Variants in GOLGA4 observed in about 807,000 individuals in gnomAD.
The protein encoded by GOLGA4 is golgin subfamily A member 4.
A neutral mutation model predicts 265.9 loss-of-function variants in GOLGA4; 169 were observed. That is an observed-to-expected ratio of 0.64 (90% CI 0.56 to 0.72). GOLGA4 has a LOEUF of 0.72. Ranked by LOEUF, GOLGA4 falls within the 30% of genes least tolerant of loss-of-function variation. The pLI, the probability that GOLGA4 is intolerant of heterozygous loss-of-function variation, is 0.00. For missense variants in GOLGA4, 2,482 were observed against 2,483.4 expected (o/e 1.00, Z 0.01); for synonymous variants, 923 against 855.8 (o/e 1.08, Z -1.37).
intron 3 of GOLGA4, 70 bp from the exon 4 acceptor site, chr3:37,285,943 AT>A: frequency 2.2e-6 from 2 of 906,612 alleles, no homozygotes; most frequent in Non-Finnish European, 3.5e-6. Context: ...CATAAAGAGA[AT>A]TTTTTAGTGG....
intron 12 of GOLGA4, 57 bp downstream of exon 12, chr3:37,319,251 AT>A: frequency 7.2e-7 from 1 of 1,388,028 alleles, no homozygotes; most frequent in South Asian, 1.3e-5. Context: ...TTACAAAGTT[AT>A]CATCCTCTCA....
Position 37,355,685 on chromosome 3 carries a change from A to G in GOLGA4, c.6663+498A>G, listed in dbSNP as rs543911723. Among the ~76,000 whole-genome samples the G allele has an allele frequency of 4.6e-5, 7 of 152,270 alleles. No individual in the cohort carries two copies. In the South Asian group the frequency reaches 1.2e-3, roughly 27 times the overall value. Reference sequence around the variant, plus strand: ...AACAATGAATTATTTTTAAAAACATAGTGTGAAGTCAGCTGTAATTGAAAA... The same window carrying G: ...AACAATGAATTATTTTTAAAAACATGGTGTGAAGTCAGCTGTAATTGAAAA... On this transcript the variant is annotated intron_variant, in intron 22 of 23. Coordinates refer to ENST00000361924, the MANE Select transcript of GOLGA4 (RefSeq NM_002078.5).
At chr3:37,330,532 G>T (rs73825083) in intron 16 of GOLGA4, among the ~76,000 whole-genome samples, 153 of 152,276 alleles carry the variant, frequency 1.0e-3, no homozygotes, top group African/African-American at 3.1e-3. Flanking sequence ...AGGGAACAGA[G>T]AGACAGGTTA....
intron 2 of GOLGA4, among the ~76,000 whole-genome samples, chr3:37,281,295 A>G (rs1444192340): frequency 1.3e-5 from 2 of 152,188 alleles, no homozygotes; most frequent in East Asian, 1.9e-4. Flanking sequence ...ACTGTCCTCC[A>G]TGATTTGTTA....
intron 16 of GOLGA4, among the ~76,000 whole-genome samples, chr3:37,329,560 G>T (rs988984908): frequency 9.9e-5 from 15 of 152,194 alleles, no homozygotes; most frequent in African/African-American, 3.4e-4. Context: ...GTGTGTGGAG[G>T]TTGATTGGTC....
At chr3:37,353,459 G>GA (rs1284716200) in intron 21 of GOLGA4, among the ~76,000 whole-genome samples, 1 of 152,058 alleles carries the variant, frequency 6.6e-6, no homozygotes, top group Non-Finnish European at 1.5e-5. Flanking sequence ...ATTCTGTTCT[G>GA]TCTAGGCAGT....
chr3:37,324,955 A>C lies in GOLGA4; in HGVS notation c.3069A>C (p.Thr1023=). 6.2e-7 allele frequency: 1 copy of C among 1,613,650 alleles called. No homozygotes were observed. The highest frequency in any genetic ancestry group is 8.5e-7 in the Non-Finnish European group (1 of 1,179,802). ...GTGATGCAGTGTCAAGACTGGAAAC[A>C]AACCAAAAAGAACAAATAGAAAGTC... ...GISDAVSRLE[T]NQKEQIESLT... Residue 1023 remains threonine, a synonymous_variant, in exon 14 of 24, where the codon ACA becomes ACC. Coordinates refer to ENST00000361924, the MANE Select transcript of GOLGA4 (RefSeq NM_002078.5).
chr3:37,326,220 GGAA>G lies in GOLGA4; in HGVS notation c.4341_4343del (p.Lys1448del). On this transcript the variant is annotated inframe_deletion, in exon 14 of 24. Transcript: ENST00000361924. ...GACTGGTCCAATAAATTCTCAGAAT[GGAA>G]GAAGAAAGCACAGTCAAGATTTACA... The G allele has an allele frequency of 1.2e-6, 2 of 1,613,560 alleles. No individual in the cohort carries two copies. Among genetic ancestry groups the G allele is most frequent in the Non-Finnish European group, 1.7e-6 (2 of 1,179,620 alleles).
intron 2 of GOLGA4, among the ~76,000 whole-genome samples, chr3:37,269,220 G>C (rs2096791605): frequency 6.6e-6 from 1 of 152,174 alleles, no homozygotes; most frequent in Admixed American, 6.5e-5. Context: ...CATGTATTGA[G>C]CTAGTTCTAC....
intron 16 of GOLGA4, among the ~76,000 whole-genome samples, chr3:37,332,520 C>A (rs770082564): frequency 1.3e-5 from 2 of 151,378 alleles, no homozygotes; most frequent in South Asian, 2.1e-4. Context: ...AGAAAAACAA[C>A]AAAAAAAATT....
At chr3:37,354,440 G>C (rs1361958258) in intron 21 of GOLGA4, among the ~76,000 whole-genome samples, 1 of 152,000 alleles carries the variant, frequency 6.6e-6, no homozygotes, top group Non-Finnish European at 1.5e-5. Context: ...AACCTTTGAG[G>C]AGAATTTTCC....
At chr3:37,337,976 G>A (rs114984197) in intron 19 of GOLGA4, among the ~76,000 whole-genome samples, 1,965 of 152,104 alleles carry the variant, frequency 0.013, 57 homozygotes, top group African/African-American at 0.045. Flanking sequence ...ATTTGTGATC[G>A]TATAATGTAT....
intron 21 of GOLGA4, among the ~76,000 whole-genome samples, chr3:37,350,918 T>C (rs1258562165): frequency 1.3e-5 from 2 of 152,174 alleles, no homozygotes; most frequent in Non-Finnish European, 2.9e-5. Flanking sequence ...ATATTACCTC[T>C]ATGTTGATGG....
chr3:37,257,177 T>TA (rs1290184879), intron 2 of GOLGA4, among the ~76,000 whole-genome samples: 1 of 152,240 alleles, frequency 6.6e-6, no homozygotes, highest in Non-Finnish European at 1.5e-5. Flanking sequence ...TTCGATATGT[T>TA]ACCTTTTGTG....
Position 37,251,409 on chromosome 3 carries a change from T to G in GOLGA4, c.87T>G (p.Ser29=). The G allele has an allele frequency of 6.2e-7, 1 of 1,611,298 alleles. No individual in the cohort carries two copies. Among genetic ancestry groups the G allele is most frequent in the African/African-American group, 1.3e-5 (1 of 74,964 alleles). ...TTTAAATCTAGGCGTCCTCCAATTCTTCAACACCAACAAGAATGAGGAGCA... is the reference window on the plus strand; with the variant it reads ...TTTAAATCTAGGCGTCCTCCAATTCGTCAACACCAACAAGAATGAGGAGCA... ...ALAPAQASSN[S]STPTRMRSRT... Residue 29 remains serine, a synonymous_variant, in exon 2 of 24, where the codon TCT becomes TCG. Transcript: ENST00000361924.
rs750722251 is a variant in GOLGA4, at chr3:37,324,702, A to G, written c.2816A>G (p.His939Arg). 4 of 1,602,220 alleles carry G rather than the reference A, an allele frequency of 2.5e-6. No homozygotes were observed. Among genetic ancestry groups the G allele is most frequent in the South Asian group, 2.3e-5 (2 of 87,668 alleles). ...TTGTCAGCCAAGGAGGACAGTATTC[A>G]TATTTTGAATGAGGAATATGAAACC... ...QKLSAKEDSIHILNEEYETKF... is the reference protein window; with the variant it reads ...QKLSAKEDSIRILNEEYETKF... Residue 939 changes from histidine (H) to arginine (R), a missense_variant, in exon 14 of 24, where the codon CAT becomes CGT. Physicochemically the swap from His to Arg is conservative, Grantham distance 29. Transcript: ENST00000361924.
intron 1 of GOLGA4, 34 bp from the exon 2 acceptor site, chr3:37,251,361 T>C (rs2096733181): frequency 1.5e-6 from 2 of 1,314,062 alleles, no homozygotes. Context: ...GTCAATATAG[T>C]CTTGCTAATT....
chr3:37,294,030 CAT>C (rs2096871793), intron 5 of GOLGA4, among the ~76,000 whole-genome samples: 1 of 152,188 alleles, frequency 6.6e-6, no homozygotes, highest in Non-Finnish European at 1.5e-5. Context: ...AAACCACCGT[CAT>C]ATGTGTGGTC....
intron 10 of GOLGA4, among the ~76,000 whole-genome samples, chr3:37,308,174 A>C (rs1270311182): frequency 6.6e-6 from 1 of 151,970 alleles, no homozygotes. Context: ...CAGAGGTTGC[A>C]GTGAGCCGAG....
Sources: allele counts gnomAD v4.1 joint callset (sites outside exome capture counted in the v4.1 genomes callset), GRCh38; gene constraint gnomAD v4.1.1; transcripts MANE v1.5; gene names NCBI Gene and HGNC (gene_info 2026-07-23, HGNC 2026-07-21).